Variants in GP1BB observed in about 807,000 individuals in gnomAD.
The protein encoded by GP1BB is glycoprotein Ib platelet subunit beta.
GP1BB carries 3 observed loss-of-function variants against 2.5 expected under a neutral mutation model. The observed-to-expected ratio is 1.22, with a 90% CI of 0.56 to 3.15. GP1BB has a LOEUF of 3.15. GP1BB is among the 30% of genes most tolerant of loss of function. The pLI, the probability that GP1BB is intolerant of heterozygous loss-of-function variation, is 0.03. For synonymous variants in GP1BB, 191 were observed against 167.5 expected (o/e 1.14, Z -1.08); for missense variants, 316 against 307.0 (o/e 1.03, Z -0.22).
rs1569000997 is a variant in GP1BB, at chr22:19,724,429, C to T, written c.586C>T (p.Leu196=). The T allele has an allele frequency of 1.3e-6, 2 of 1,544,958 alleles. No homozygotes were observed. The highest frequency in any genetic ancestry group is 1.7e-6 in the Non-Finnish European group (2 of 1,144,794). ...AAARLSLTDP[L]VAERAGTDES ...AGCCCGGCTGTCGCTGACCGACCCG[C>T]TGGTGGCCGAGCGAGCCGGAACCGA... Residue 196 remains leucine (L), a synonymous_variant, in exon 2 of 2, where the codon CTG becomes TTG. Coordinates refer to ENST00000366425, the MANE Select transcript of GP1BB (RefSeq NM_000407.5).
chr22:19,724,379 G>C lies in GP1BB; in HGVS notation c.536G>C (p.Arg179Pro), dbSNP rs1936123167. Residue 179 changes from arginine to proline, a missense_variant, in exon 2 of 2, where the codon CGG becomes CCG. Physicochemically the swap from Arg to Pro is moderately radical, Grantham distance 103 (BLOSUM62 -2). Transcript: ENST00000366425. ...CTGCTGTGCCGCCTGCGGAGGCTGC[G>C]GGCCCGGGCCCGCGCTCGCGCCGCA... ...VLLLCRLRRLRARARARAAAR... is the reference protein window; with the variant it reads ...VLLLCRLRRLPARARARAAAR... The C allele has an allele frequency of 1.1e-5, 16 of 1,519,696 alleles. No individual in the cohort carries two copies. The highest frequency in any genetic ancestry group is 1.4e-5 in the African/African-American group (1 of 70,210). The allele number at this position is 1,519,696 out of a possible 1,614,324, so 94.1% of individuals were successfully genotyped here.
rs1020846965 is a variant in GP1BB, at chr22:19,724,394, C to A, written c.551C>A (p.Ala184Asp). The change falls in exon 2 of 2, where the codon GCT becomes GAT. Residue 184 changes from alanine (A) to aspartate (D), a missense_variant. Ala to Asp is a moderately radical substitution (Grantham distance 126). Transcript: ENST00000366425. ...RLRRLRARAR[A>D]RAAARLSLTD... ...CGGAGGCTGCGGGCCCGGGCCCGCG[C>A]TCGCGCCGCAGCCCGGCTGTCGCTG... The A allele has an allele frequency of 2.0e-6, 3 of 1,536,332 alleles. No homozygotes were observed. In the African/African-American group the frequency reaches 4.2e-5, roughly 21 times the overall value.
chr22:19,723,931 T>G lies in GP1BB; in HGVS notation c.88T>G (p.Cys30Gly). 1 of 1,524,060 alleles carries G rather than the reference T, an allele frequency of 6.6e-7. No homozygotes were observed. The highest frequency in any genetic ancestry group is 8.8e-7 in the Non-Finnish European group (1 of 1,142,476). The allele number at this position is 1,524,060 out of a possible 1,614,324, so 94.4% of individuals were successfully genotyped here. The change falls in exon 2 of 2, where the codon TGT becomes GGT. Residue 30 changes from cysteine to glycine, a missense_variant. Transcript: ENST00000366425. ...CCCGGCCGCAGGTTGCCCGGCGCCC[T>G]GTAGCTGCGCGGGGACGCTCGTGGA... is the stretch of plus-strand genomic sequence containing the variant. ...SRPAAGCPAP[C>G]SCAGTLVDCG...
In GP1BB at chr22:19,723,855, G is replaced by T; in HGVS notation, c.12G>T (p.Gly4=). Residue 4 remains glycine, a splice_region_variant and synonymous_variant, in exon 2 of 2, where the codon GGG becomes GGT. Coordinates refer to ENST00000366425, the MANE Select transcript of GP1BB (RefSeq NM_000407.5). ...CTTACTGCGGCGCTTCCCTTGCAGGGCCGCGCGGGGCGCTGAGCTTACTGC... is the reference window on the plus strand; with the variant it reads ...CTTACTGCGGCGCTTCCCTTGCAGGTCCGCGCGGGGCGCTGAGCTTACTGC... MGS[G]PRGALSLLLL... 6.6e-7 allele frequency: 1 copy of T among 1,523,604 alleles called. No homozygotes were observed. 94.4% of individuals were successfully genotyped at this position (1,523,604 alleles called of 1,614,324 possible).
In GP1BB at chr22:19,723,867, G is replaced by A; in HGVS notation, c.24G>A (p.Ala8=). 3 of 1,524,532 alleles carry A rather than the reference G, an allele frequency of 2.0e-6. No homozygotes were observed. Among genetic ancestry groups the A allele is most frequent in the Non-Finnish European group, 2.6e-6 (3 of 1,142,610 alleles). The allele number at this position is 1,524,532 out of a possible 1,614,324, so 94.4% of individuals were successfully genotyped here. Residue 8 remains alanine, a synonymous_variant, in exon 2 of 2, where the codon GCG becomes GCA. Coordinates refer to ENST00000366425, the MANE Select transcript of GP1BB (RefSeq NM_000407.5). Reference sequence around the variant, plus strand: ...CTTCCCTTGCAGGGCCGCGCGGGGCGCTGAGCTTACTGCTCCTGCTGCTGG... The same window carrying A: ...CTTCCCTTGCAGGGCCGCGCGGGGCACTGAGCTTACTGCTCCTGCTGCTGG... MGSGPRG[A]LSLLLLLLAP...
chr22:19,724,321 CT>C lies in GP1BB; in HGVS notation c.480del (p.Leu162CysfsTer31). ...GGCGGCGCAGCTTGCGCTGCTGGGC[CT>C]TGGGCTGCTGCACGCGTTGCTGCTG... ...ALAAQLALLGLGLLHALLLVL... is the reference protein window; with the variant it reads ...ALAAQLALLGXGLLHALLLVL... On this transcript the variant is annotated frameshift_variant, in exon 2 of 2. Coordinates refer to ENST00000366425, the MANE Select transcript of GP1BB (RefSeq NM_000407.5). LOFTEE classifies it low-confidence loss of function (END_TRUNC). The C allele has an allele frequency of 7.0e-7, 1 of 1,433,322 alleles. No individual in the cohort carries two copies. The highest frequency in any genetic ancestry group is 3.0e-5 in the Admixed American group (1 of 33,814). 88.8% of individuals were successfully genotyped at this position (1,433,322 alleles called of 1,614,324 possible).
chr22:19,724,409 G>A lies in GP1BB; in HGVS notation c.566G>A (p.Arg189Gln), dbSNP rs1238007919. Residue 189 changes from arginine to glutamine, a missense_variant, in exon 2 of 2, where the codon CGG (arginine) becomes CAG (glutamine). Coordinates refer to ENST00000366425, the MANE Select transcript of GP1BB (RefSeq NM_000407.5). Reference sequence around the variant, plus strand: ...CGGGCCCGCGCTCGCGCCGCAGCCCGGCTGTCGCTGACCGACCCGCTGGTG... The same window carrying A: ...CGGGCCCGCGCTCGCGCCGCAGCCCAGCTGTCGCTGACCGACCCGCTGGTG... The part of the protein sequence containing the change: ...RARARARAAA[R>Q]LSLTDPLVAE... 2.4e-5 allele frequency: 37 copies of A among 1,538,966 alleles called. No homozygotes were observed. Among genetic ancestry groups the A allele is most frequent in the Non-Finnish European group, 2.8e-5 (32 of 1,141,766 alleles).
rs1601249175 is a variant in GP1BB, at chr22:19,724,438, G to A, written c.595G>A (p.Glu199Lys). ...RLSLTDPLVA[E>K]RAGTDES is the part of the protein sequence containing the mutation. The stretch of plus-strand genomic sequence containing the variant: ...GTCGCTGACCGACCCGCTGGTGGCC[G>A]AGCGAGCCGGAACCGACGAGTCCTG... The change falls in exon 2 of 2, where the codon GAG (glutamate) becomes AAG (lysine). Residue 199 changes from glutamate (E) to lysine (K), a missense_variant. Transcript: ENST00000366425. 3 of 1,544,442 alleles carry A rather than the reference G, an allele frequency of 1.9e-6. No homozygotes were observed. The highest frequency in any genetic ancestry group is 1.7e-6 in the Non-Finnish European group (2 of 1,144,420).
intron 1 of GP1BB, 126 bp downstream of exon 1, chr22:19,723,705 G>C (rs148651410): frequency 1.0e-5 from 14 of 1,336,876 alleles, no homozygotes; most frequent in Non-Finnish European, 1.2e-5. Context: ...TCCAGCCGGC[G>C]TGCGGGGTGG....
At chr22:19,723,782 CAGTCT>C in intron 1 of GP1BB, 67 bp from the exon 2 acceptor site, 1 of 1,418,646 alleles carries the variant, frequency 7.0e-7, no homozygotes, top group Non-Finnish European at 9.5e-7. Flanking sequence ...GCCGGGCCGG[CAGTCT>C]GGGTACTCAG....
chr22:19,724,269 T>A lies in GP1BB; in HGVS notation c.426T>A (p.Ala142=), dbSNP rs1936119798. 7.9e-7 allele frequency: 1 copy of A among 1,265,850 alleles called. No individual in the cohort carries two copies. Among genetic ancestry groups the A allele is most frequent in the Non-Finnish European group, 9.9e-7 (1 of 1,011,060 alleles). 78.4% of individuals were successfully genotyped at this position (1,265,850 alleles called of 1,614,324 possible). Residue 142 remains alanine, a synonymous_variant, in exon 2 of 2, where the codon GCT becomes GCA. Coordinates refer to ENST00000366425, the MANE Select transcript of GP1BB (RefSeq NM_000407.5). The part of the protein sequence containing the change: ...LAEDELRAAC[A]PGPLCWGALA... Reference sequence around the variant, plus strand: ...AGGACGAGCTGCGCGCCGCTTGCGCTCCCGGCCCGCTCTGCTGGGGGGCGC... The same window carrying A: ...AGGACGAGCTGCGCGCCGCTTGCGCACCCGGCCCGCTCTGCTGGGGGGCGC...
chr22:19,724,270 C>T lies in GP1BB; in HGVS notation c.427C>T (p.Pro143Ser). 2 of 1,266,806 alleles carry T rather than the reference C, an allele frequency of 1.6e-6. No homozygotes were observed. The highest frequency in any genetic ancestry group is 3.1e-4 in the Middle Eastern group (1 of 3,276). 78.5% of individuals were successfully genotyped at this position (1,266,806 alleles called of 1,614,324 possible). ...AEDELRAACA[P>S]GPLCWGALAA... ...GGACGAGCTGCGCGCCGCTTGCGCTCCCGGCCCGCTCTGCTGGGGGGCGCT... is the reference window on the plus strand; with the variant it reads ...GGACGAGCTGCGCGCCGCTTGCGCTTCCGGCCCGCTCTGCTGGGGGGCGCT... Residue 143 changes from proline (P) to serine (S), a missense_variant, in exon 2 of 2, where the codon CCC becomes TCC. Coordinates refer to ENST00000366425, the MANE Select transcript of GP1BB (RefSeq NM_000407.5).
chr22:19,723,655 C>T, intron 1 of GP1BB, 76 bp downstream of exon 1: 2 of 1,514,082 alleles, frequency 1.3e-6, no homozygotes, highest in South Asian at 1.2e-5. Context: ...GGTCGTTTGG[C>T]TGCAGCTGGG....
chr22:19,724,712 T>G lies in GP1BB; in HGVS notation c.*248T>G. 1 of 547,992 alleles carries G rather than the reference T, an allele frequency of 1.8e-6. No homozygotes were observed. The highest frequency in any genetic ancestry group is 3.3e-6 in the Non-Finnish European group (1 of 303,522). 33.9% of individuals were successfully genotyped at this position (547,992 alleles called of 1,614,324 possible). ...GGGAGGACCATGGGGCACAATGCGGTCCAGACCCTGCTGCGTCTCCCTTCC... is the reference window on the plus strand; with the variant it reads ...GGGAGGACCATGGGGCACAATGCGGGCCAGACCCTGCTGCGTCTCCCTTCC... On this transcript the variant is annotated 3_prime_UTR_variant, in exon 2 of 2. Transcript: ENST00000366425.
rs1238274116 is a variant in GP1BB at position 19,724,402 on chromosome 22, G to A, written c.559G>A (p.Ala187Thr). Residue 187 changes from alanine (A) to threonine (T), a missense_variant, in exon 2 of 2, where the codon GCA becomes ACA. Physicochemically the swap from Ala to Thr is moderately conservative, Grantham distance 58. Coordinates refer to ENST00000366425, the MANE Select transcript of GP1BB (RefSeq NM_000407.5). ...GCGGGCCCGGGCCCGCGCTCGCGCC[G>A]CAGCCCGGCTGTCGCTGACCGACCC... ...RLRARARARA[A>T]ARLSLTDPLV... 3.3e-6 allele frequency: 5 copies of A among 1,537,810 alleles called. No homozygotes were observed. Among genetic ancestry groups the A allele is most frequent in the Non-Finnish European group, 4.4e-6 (5 of 1,141,564 alleles).
In GP1BB at chr22:19,723,801, T is replaced by C. The variant is rs370569355; in HGVS notation, c.11-53T>C. Reference sequence around the variant, plus strand: ...GGCCGGCAGTCTGGGTACTCAGAGATGTCGCCCAGGTGCCCGCCGACCGCT... The same window carrying C: ...GGCCGGCAGTCTGGGTACTCAGAGACGTCGCCCAGGTGCCCGCCGACCGCT... On this transcript the variant is annotated intron_variant, in intron 1 of 1. Coordinates refer to ENST00000366425, the MANE Select transcript of GP1BB (RefSeq NM_000407.5). The C allele has an allele frequency of 1.3e-4, 189 of 1,472,708 alleles. No homozygotes were observed. In the African/African-American group the frequency reaches 2.1e-3, roughly 16 times the overall value. 91.2% of individuals were successfully genotyped at this position (1,472,708 alleles called of 1,614,324 possible). A position where few individuals can be genotyped will look rare whatever the true frequency, so the allele number is the denominator to read the frequency against.
Position 19,724,172 on chromosome 22 carries a change from G to T in GP1BB, c.329G>T (p.Arg110Leu). The T allele has an allele frequency of 7.8e-7, 1 of 1,283,874 alleles. No individual in the cohort carries two copies. The highest frequency in any genetic ancestry group is 9.8e-7 in the Non-Finnish European group (1 of 1,018,596). The allele number at this position is 1,283,874 out of a possible 1,614,324, so 79.5% of individuals were successfully genotyped here. ...GCCTGGCTGGCCGGCCGCCCCGAGC[G>T]TGCGCCCTACCGCGACCTGCGTTGC... ...LRAWLAGRPE[R>L]APYRDLRCVA... Residue 110 changes from arginine (R) to leucine (L), a missense_variant, in exon 2 of 2, where the codon CGT becomes CTT. Arg to Leu is a moderately radical substitution (Grantham distance 102). Transcript: ENST00000366425.
At position 19,724,421 on chromosome 22, in the gene GP1BB, C is replaced by T. The variant is rs902731347; in HGVS notation, c.578C>T (p.Thr193Ile). ...RARAAARLSLTDPLVAERAGT... is the reference protein window; with the variant it reads ...RARAAARLSLIDPLVAERAGT... ...CGCGCCGCAGCCCGGCTGTCGCTGA[C>T]CGACCCGCTGGTGGCCGAGCGAGCC... The change falls in exon 2 of 2, where the codon ACC (threonine) becomes ATC (isoleucine). Residue 193 changes from threonine (T) to isoleucine (I), a missense_variant. Physicochemically the swap from Thr to Ile is moderately conservative, Grantham distance 89. Transcript: ENST00000366425. 2 of 1,544,036 alleles carry T rather than the reference C, an allele frequency of 1.3e-6. No homozygotes were observed. The highest frequency in any genetic ancestry group is 2.3e-4 in the Middle Eastern group (1 of 4,342).
In GP1BB at chr22:19,724,246, G is replaced by T; in HGVS notation, c.403G>T (p.Asp135Tyr). The change falls in exon 2 of 2, where the codon GAC becomes TAC. Residue 135 changes from aspartate to tyrosine, a missense_variant. Physicochemically the swap from Asp to Tyr is radical, Grantham distance 160 (BLOSUM62 -3). Coordinates refer to ENST00000366425, the MANE Select transcript of GP1BB (RefSeq NM_000407.5). The stretch of plus-strand genomic sequence containing the variant: ...CCGCCTGCTGCCCTATCTGGCCGAG[G>T]ACGAGCTGCGCGCCGCTTGCGCTCC... ...RGRLLPYLAE[D>Y]ELRAACAPGP... is the part of the protein sequence containing the mutation. 1 of 1,242,378 alleles carries T rather than the reference G, an allele frequency of 8.0e-7. No homozygotes were observed. The highest frequency in any genetic ancestry group is 3.3e-5 in the South Asian group (1 of 30,070). The allele number at this position is 1,242,378 out of a possible 1,614,324, so 77.0% of individuals were successfully genotyped here. A position where few individuals can be genotyped will look rare whatever the true frequency, so the allele number is the denominator to read the frequency against.
Sources: gnomAD v4.1 joint callset for allele counts on GRCh38, gnomAD v4.1.1 for gene constraint, MANE v1.5 for transcripts, NCBI Gene and HGNC (gene_info 2026-07-23, HGNC 2026-07-21) for gene names.